The following AGBL1 variants were observed in gnomAD, a reference collection of about 807,000 sequenced individuals.
AGBL1 encodes AGBL carboxypeptidase 1.
AGBL1 carries 130 observed loss-of-function variants against 118.9 expected under a neutral mutation model. That is an observed-to-expected ratio of 1.09 (90% CI 0.95 to 1.26). The LOEUF is 1.26. Ranked by LOEUF, AGBL1 falls within the 50% of genes most tolerant of loss-of-function variation. The pLI, the probability that AGBL1 is intolerant of heterozygous loss-of-function variation, is 0.00. For missense variants in AGBL1, 1,584 were observed against 1,298.1 expected, an observed-to-expected ratio of 1.22 and a Z score of -3.38; for synonymous variants, 555 against 478.9, an observed-to-expected ratio of 1.16 and a Z score of -2.08.
chr15:86,710,504 C>T (rs1449238485), intron 22 of AGBL1, among the ~76,000 whole-genome samples: 1 of 152,080 alleles, frequency 6.6e-6, no homozygotes, highest in Non-Finnish European at 1.5e-5. Context: ...TGGAAAAGTG[C>T]AATTTAATTG....
chr15:86,286,294 A>G (rs1024705843), intron 16 of AGBL1, among the ~76,000 whole-genome samples: 2 of 152,092 alleles, frequency 1.3e-5, no homozygotes, highest in Admixed American at 6.6e-5. Flanking sequence ...TCACATATTT[A>G]TCATTTCTTT....
intron 16 of AGBL1, among the ~76,000 whole-genome samples, chr15:86,280,273 G>A (rs1477860757): frequency 6.6e-6 from 1 of 152,172 alleles, no homozygotes; most frequent in African/African-American, 2.4e-5. Context: ...ATGACCATGA[G>A]CTGGAGGTGG....
chr15:86,739,985 A>G (rs1369566287), intron 22 of AGBL1, among the ~76,000 whole-genome samples: 1 of 152,196 alleles, frequency 6.6e-6, no homozygotes, highest in African/African-American at 2.4e-5. Context: ...TTTCACCTTT[A>G]AAGCCTGATA....
intron 19 of AGBL1, among the ~76,000 whole-genome samples, chr15:86,543,297 C>T (rs1459455437): frequency 6.6e-6 from 1 of 152,258 alleles, no homozygotes; most frequent in Admixed American, 6.5e-5. Context: ...AGTATATAAC[C>T]GTTTATTTTC....
At chr15:86,731,783 G>C (rs1280106033) in intron 22 of AGBL1, among the ~76,000 whole-genome samples, 1 of 152,170 alleles carries the variant, frequency 6.6e-6, no homozygotes, top group African/African-American at 2.4e-5. Flanking sequence ...TTGAAGTAAA[G>C]CTTGCTTATG....
chr15:86,315,717 CAAA>C (rs35136419), intron 17 of AGBL1, among the ~76,000 whole-genome samples: 1 of 127,490 alleles, frequency 7.8e-6, no homozygotes, highest in African/African-American at 2.9e-5. Context: ...GACTTTTTCT[CAAA>C]AAAAAAAAAA....
At position 86,397,466 on chromosome 15, in the gene AGBL1, C is replaced by G; in HGVS notation, c.2475C>G (p.Asp825Glu). Residue 825 changes from aspartate (D) to glutamate (E), a missense_variant, in exon 18 of 23, where the codon GAC (aspartate) becomes GAG (glutamate). Coordinates refer to ENST00000614907, the MANE Select transcript of AGBL1 (RefSeq NM_001386094.1). ...CCTTGGAGTTCCTGGTCAGCAGTGA[C>G]CCTGTGGCTAGGCTCTTGAGGGAAA... is the stretch of plus-strand genomic sequence containing the variant. ...KGTLEFLVSS[D>E]PVARLLRENF... is the part of the protein sequence containing the mutation. 1 of 1,613,066 alleles carries G rather than the reference C, an allele frequency of 6.2e-7. No homozygotes were observed. The highest frequency in any genetic ancestry group is 8.5e-7 in the Non-Finnish European group (1 of 1,179,364).
intron 5 of AGBL1, among the ~76,000 whole-genome samples, chr15:86,181,927 T>C (rs978911943): frequency 6.6e-6 from 1 of 152,092 alleles, no homozygotes; most frequent in Admixed American, 6.5e-5. Flanking sequence ...GCATTATAAC[T>C]AACAACACCA....
At chr15:86,407,962 C>G (rs538092242) in intron 18 of AGBL1, among the ~76,000 whole-genome samples, 2 of 152,054 alleles carry the variant, frequency 1.3e-5, no homozygotes, top group Non-Finnish European at 2.9e-5. Flanking sequence ...GGCAGAGGAC[C>G]AGGACTCCTC....
intron 21 of AGBL1, among the ~76,000 whole-genome samples, chr15:86,642,903 T>A (rs992823517): frequency 6.6e-6 from 1 of 152,196 alleles, no homozygotes. Flanking sequence ...AACTAACTCA[T>A]ACTGTTAAAA....
chr15:86,348,942 A>G (rs994140075), intron 17 of AGBL1, among the ~76,000 whole-genome samples: 1 of 152,158 alleles, frequency 6.6e-6, no homozygotes, highest in Admixed American at 6.5e-5. Flanking sequence ...TCAAGATAAG[A>G]TGAGGTTATA....
At chr15:86,157,210 T>C (rs1189640691) in intron 4 of AGBL1, among the ~76,000 whole-genome samples, 2 of 152,174 alleles carry the variant, frequency 1.3e-5, no homozygotes, top group East Asian at 1.9e-4. Context: ...ATGGAGCCTC[T>C]ACTCACCTAT....
chr15:86,554,214 T>C, intron 20 of AGBL1, 147 bp from the exon 21 acceptor site: 1 of 702,366 alleles, frequency 1.4e-6, no homozygotes, highest in South Asian at 2.4e-5. Flanking sequence ...TTTTAAAAAG[T>C]GATAGCCATT....
chr15:87,014,086 G>A (rs2081587097), intron 24 of AGBL1, among the ~76,000 whole-genome samples: 1 of 152,160 alleles, frequency 6.6e-6, no homozygotes, highest in African/African-American at 2.4e-5. Context: ...ATTATTTCTT[G>A]TATTAATTCC....
At chr15:86,528,267 G>C (rs1282033581) in intron 19 of AGBL1, among the ~76,000 whole-genome samples, 1 of 152,228 alleles carries the variant, frequency 6.6e-6, no homozygotes, top group Non-Finnish European at 1.5e-5. Context: ...GGCGCGAACC[G>C]AAGCAGGGCG....
At chr15:86,835,419 G>A (rs375653541) in intron 22 of AGBL1, among the ~76,000 whole-genome samples, 2 of 152,284 alleles carry the variant, frequency 1.3e-5, no homozygotes, top group East Asian at 3.9e-4. Context: ...ATGATCAGGA[G>A]AGGTGATTTG....
intron 22 of AGBL1, among the ~76,000 whole-genome samples, chr15:86,892,395 A>G (rs2080064315): frequency 6.6e-6 from 1 of 152,172 alleles, no homozygotes; most frequent in Non-Finnish European, 1.5e-5. Context: ...GGCTGAATGA[A>G]TACCTCATTC....
At chr15:86,492,910 C>T (rs34833682) in intron 18 of AGBL1, among the ~76,000 whole-genome samples, 34,503 of 151,570 alleles carry the variant, frequency 0.23, 5,059 homozygotes, top group Non-Finnish European at 0.32. Flanking sequence ...AGATATAGGC[C>T]AGGATTATAG....
intron 18 of AGBL1, among the ~76,000 whole-genome samples, chr15:86,497,928 T>C (rs867972162): frequency 1.6e-4 from 24 of 152,078 alleles, no homozygotes; most frequent in Admixed American, 6.6e-4. Flanking sequence ...TCTGTTATCA[T>C]CCTCCTTTGC....
Sources: gnomAD v4.1 joint callset for allele counts (sites outside exome capture counted in the v4.1 genomes callset) on GRCh38, gnomAD v4.1.1 for gene constraint, MANE v1.5 for transcripts, NCBI Gene and HGNC (gene_info 2026-07-23, HGNC 2026-07-21) for gene names.